Variants in LMBRD1 observed in about 807,000 individuals in gnomAD.
LMBRD1 encodes lysosomal cobalamin transport escort protein LMBD1.
A neutral mutation model predicts 74.8 loss-of-function variants in LMBRD1; 64 were observed. The observed-to-expected ratio is 0.86, with a 90% CI of 0.70 to 1.05. The LOEUF (loss-of-function observed/expected upper bound fraction) is 1.05, where lower values mean the gene tolerates loss of function less well. Among genes scored for constraint, LMBRD1 ranks in the 50% least tolerant of loss-of-function variants. The pLI, the probability that LMBRD1 is intolerant of heterozygous loss-of-function variation, is 0.00. For synonymous variants in LMBRD1, 204 were observed against 216.3 expected (o/e 0.94, Z 0.50); for missense variants, 652 against 645.9 (o/e 1.01, Z -0.10).
At chr6:69,781,438 T>G (rs1765834018) in intron 2 of LMBRD1, among the ~76,000 whole-genome samples, 1 of 152,156 alleles carries the variant, frequency 6.6e-6, no homozygotes, top group Non-Finnish European at 1.5e-5. Flanking sequence ...AGAGCTCAAG[T>G]CAGTGTCAAC....
chr6:69,687,213 T>C (rs1221963543), intron 14 of LMBRD1, among the ~76,000 whole-genome samples: 1 of 152,220 alleles, frequency 6.6e-6, no homozygotes, highest in East Asian at 1.9e-4. Flanking sequence ...CTCCAGATAC[T>C]GTGTTTGCTC....
chr6:69,752,994 T>A lies in LMBRD1; in HGVS notation c.308-638A>T, dbSNP rs141397110. ...TTGCAATTTGTGAATAATGCAGCTA[T>A]GAACATGCAAGGACAAATAGCTCTT... On this transcript the variant is annotated intron_variant, in intron 3 of 15. Transcript: ENST00000649934. 4.8e-3 allele frequency among the ~76,000 whole-genome samples: 724 copies of A among 152,320 alleles called. 8 individuals are homozygous for A. Among genetic ancestry groups the A allele is most frequent in the Middle Eastern group, 0.017 (5 of 294 alleles).
At chr6:69,737,887 G>T in intron 7 of LMBRD1, 55 bp downstream of exon 7, 1 of 1,094,348 alleles carries the variant, frequency 9.1e-7, no homozygotes, top group Non-Finnish European at 1.4e-6. Context: ...AATTACTAAG[G>T]TAAAAAAATT....
At chr6:69,732,361 A>G (rs920152217) in intron 7 of LMBRD1, among the ~76,000 whole-genome samples, 8 of 152,182 alleles carry the variant, frequency 5.3e-5, no homozygotes, top group Admixed American at 2.0e-4. Context: ...GCTCTTTATC[A>G]TATGAGCATA....
intron 7 of LMBRD1, among the ~76,000 whole-genome samples, chr6:69,735,674 C>A (rs1299202526): frequency 6.6e-6 from 1 of 152,152 alleles, no homozygotes; most frequent in Admixed American, 6.5e-5. Context: ...ATCTTATTTT[C>A]TCCACTCCCA....
chr6:69,753,698 T>C (rs769747255), intron 3 of LMBRD1, among the ~76,000 whole-genome samples: 7 of 152,116 alleles, frequency 4.6e-5, no homozygotes, highest in Non-Finnish European at 8.8e-5. Flanking sequence ...TGTCCACTGA[T>C]GGATGGATAG....
chr6:69,743,002 T>G (rs2149872114), intron 5 of LMBRD1, among the ~76,000 whole-genome samples: 1 of 151,924 alleles, frequency 6.6e-6, no homozygotes, highest in Non-Finnish European at 1.5e-5. Flanking sequence ...GAGCAATAAA[T>G]GTAGAAAGTT....
intron 7 of LMBRD1, among the ~76,000 whole-genome samples, chr6:69,729,513 T>C (rs1458907789): frequency 6.6e-6 from 1 of 151,986 alleles, no homozygotes; most frequent in Non-Finnish European, 1.5e-5. Flanking sequence ...CAAACATTTA[T>C]TATTAAATTA....
chr6:69,763,067 T>A (rs76112265), intron 3 of LMBRD1, among the ~76,000 whole-genome samples: 85,528 of 151,010 alleles, frequency 0.57, 24,665 homozygotes, highest in East Asian at 0.73. Flanking sequence ...ATTTTTTTTT[T>A]AAGTAATGTT....
chr6:69,690,240 T>A (rs1442351085), intron 14 of LMBRD1, among the ~76,000 whole-genome samples: 1 of 152,084 alleles, frequency 6.6e-6, no homozygotes, highest in Non-Finnish European at 1.5e-5. Context: ...TTACTTCCCA[T>A]CTATCCCTGA....
At chr6:69,736,204 C>G (rs773940658) in intron 7 of LMBRD1, among the ~76,000 whole-genome samples, 2 of 152,112 alleles carry the variant, frequency 1.3e-5, no homozygotes, top group Admixed American at 6.6e-5. Flanking sequence ...CCCCCTCCGC[C>G]GACCCACCAC....
At chr6:69,727,167 T>TAATTA (rs756299952) in intron 7 of LMBRD1, among the ~76,000 whole-genome samples, 1 of 152,012 alleles carries the variant, frequency 6.6e-6, no homozygotes, top group Non-Finnish European at 1.5e-5. Context: ...CAAAAGTAAA[T>TAATTA]AATTAAATTA....
chr6:69,702,094 C>T (rs1766145277), intron 9 of LMBRD1, 141 bp from the exon 10 acceptor site: 1 of 623,482 alleles, frequency 1.6e-6, no homozygotes, highest in Admixed American at 2.7e-5. Context: ...ACTTAGTATA[C>T]AATTCCAGGC....
intron 3 of LMBRD1, among the ~76,000 whole-genome samples, chr6:69,764,149 TAA>T (rs1297646403): frequency 2.6e-5 from 4 of 152,168 alleles, no homozygotes; most frequent in Admixed American, 2.0e-4. Flanking sequence ...TGTTATGCAG[TAA>T]GTTTGTCCCC....
intron 14 of LMBRD1, among the ~76,000 whole-genome samples, chr6:69,685,111 G>T (rs1203223953): frequency 2.0e-5 from 3 of 147,576 alleles, no homozygotes; most frequent in African/African-American, 7.3e-5. Flanking sequence ...AATGCTATGG[G>T]AATTCAAAGG....
intron 7 of LMBRD1, among the ~76,000 whole-genome samples, chr6:69,732,545 C>T (rs1766882293): frequency 6.6e-6 from 1 of 152,080 alleles, no homozygotes; most frequent in Admixed American, 6.6e-5. Context: ...TGGAGGCAAA[C>T]CAACATTTGA....
intron 8 of LMBRD1, among the ~76,000 whole-genome samples, chr6:69,718,237 T>A (rs984546171): frequency 7.9e-5 from 12 of 152,098 alleles, no homozygotes; most frequent in Admixed American, 7.2e-4. Flanking sequence ...TTACATGTAA[T>A]CTTTAGCTTA....
chr6:69,683,507 G>A (rs889065088), intron 14 of LMBRD1, among the ~76,000 whole-genome samples: 3 of 151,958 alleles, frequency 2.0e-5, no homozygotes, highest in Non-Finnish European at 4.4e-5. Context: ...CCAAAGTATG[G>A]CACTTCTTAG....
At chr6:69,715,882 G>A (rs1766478273) in intron 8 of LMBRD1, among the ~76,000 whole-genome samples, 6 of 151,994 alleles carry the variant, frequency 3.9e-5, no homozygotes, top group Admixed American at 2.6e-4. Flanking sequence ...TAGATTTTCT[G>A]TTCATGTGTT....
Sources: gnomAD v4.1 joint callset for allele counts (sites outside exome capture counted in the v4.1 genomes callset) on GRCh38, gnomAD v4.1.1 for gene constraint, MANE v1.5 for transcripts, NCBI Gene and HGNC (gene_info 2026-07-23, HGNC 2026-07-21) for gene names.